The following SIL1 variants were observed in gnomAD, a reference collection of about 807,000 sequenced individuals.
SIL1 encodes SIL1 nucleotide exchange factor, also known as nucleotide exchange factor SIL1.
Under a neutral mutation model 49.1 loss-of-function variants are expected in SIL1, and 40 were observed. The observed-to-expected ratio is 0.81, with a 90% confidence interval of 0.63 to 1.06. SIL1 has a LOEUF of 1.06. Ranked by LOEUF, SIL1 falls within the 50% of genes least tolerant of loss-of-function variation. SIL1 has a pLI of 0.00. For synonymous variants in SIL1, 253 were observed against 250.8 expected (o/e 1.01, Z -0.08); for missense variants, 500 against 572.6 (o/e 0.87, Z 1.29).
chr5:139,105,542 G>A (rs1770681980), intron 3 of SIL1, among the ~76,000 whole-genome samples: 1 of 152,220 alleles, frequency 6.6e-6, no homozygotes, highest in African/African-American at 2.4e-5. Context: ...TCTGAAAGGT[G>A]TCCTGAGGCA....
chr5:139,010,512 G>A (rs1485672692), intron 7 of SIL1, among the ~76,000 whole-genome samples: 1 of 152,220 alleles, frequency 6.6e-6, no homozygotes, highest in Non-Finnish European at 1.5e-5. Context: ...GTGAGGAGCT[G>A]CATTCCTTTG....
intron 1 of SIL1, among the ~76,000 whole-genome samples, chr5:139,166,795 C>T (rs1751632720): frequency 6.6e-6 from 1 of 151,864 alleles, no homozygotes; most frequent in Admixed American, 6.6e-5. Context: ...CAGGCACACA[C>T]CAGCACACCT....
chr5:139,137,403 T>TCC, intron 1 of SIL1: 4 of 701,502 alleles, frequency 5.7e-6, no homozygotes, highest in Non-Finnish European at 1.0e-5. Flanking sequence ...CCATGCTCTT[T>TCC]CCATAGCCGT....
intron 7 of SIL1, among the ~76,000 whole-genome samples, chr5:138,956,809 C>G (rs537365841): frequency 6.6e-6 from 1 of 150,876 alleles, no homozygotes; most frequent in Admixed American, 6.6e-5. Context: ...ACAACAACAA[C>G]AAAAAACAAA....
chr5:139,150,200 C>G (rs1024130835), intron 1 of SIL1, among the ~76,000 whole-genome samples: 4 of 152,154 alleles, frequency 2.6e-5, no homozygotes, highest in Non-Finnish European at 5.9e-5. Context: ...AGAAAAGCAG[C>G]CTGAGATTTT....
At chr5:139,039,747 T>A (rs1482514908) in intron 5 of SIL1, among the ~76,000 whole-genome samples, 1 of 152,086 alleles carries the variant, frequency 6.6e-6, no homozygotes, top group Non-Finnish European at 1.5e-5. Context: ...TTGCCAAGAA[T>A]CAAAAGCTTA....
At chr5:139,136,894 C>T (rs1347261413) in intron 1 of SIL1, among the ~76,000 whole-genome samples, 3 of 152,144 alleles carry the variant, frequency 2.0e-5, no homozygotes, top group Non-Finnish European at 4.4e-5. Flanking sequence ...AGAGCTACCC[C>T]ACAACACACA....
chr5:139,174,202 G>A (rs1751833508), intron 1 of SIL1, among the ~76,000 whole-genome samples: 2 of 151,910 alleles, frequency 1.3e-5, no homozygotes, highest in Non-Finnish European at 2.9e-5. Context: ...TTACCTAGAT[G>A]GACTTTTTTA....
intron 5 of SIL1, chr5:139,032,976 TTTTTTGTTTTTG>T (rs1410865553): frequency 6.6e-6 from 1 of 152,038 alleles, no homozygotes; most frequent in Non-Finnish European, 1.5e-5. Context: ...GTCTTGTGGA[TTTTTTGTTTTTG>T]TTTTTGTTTT....
At chr5:139,178,136 C>T (rs1751919958) in intron 1 of SIL1, among the ~76,000 whole-genome samples, 2 of 152,210 alleles carry the variant, frequency 1.3e-5, no homozygotes, top group South Asian at 4.1e-4. Flanking sequence ...CCTGGGCCAC[C>T]ATGTCTGCTG....
At chr5:139,162,433 C>T (rs976335543) in intron 1 of SIL1, among the ~76,000 whole-genome samples, 2 of 152,162 alleles carry the variant, frequency 1.3e-5, no homozygotes, top group Non-Finnish European at 2.9e-5. Context: ...AAAATCAATG[C>T]TCAAAGCCTA....
intron 3 of SIL1, among the ~76,000 whole-genome samples, chr5:139,059,854 C>A (rs1769546230): frequency 6.6e-6 from 1 of 152,176 alleles, no homozygotes; most frequent in African/African-American, 2.4e-5. Context: ...TTTATAACTT[C>A]TTTCTCTAAC....
chr5:139,054,523 G>A (rs1769362183), intron 3 of SIL1, among the ~76,000 whole-genome samples: 1 of 152,158 alleles, frequency 6.6e-6, no homozygotes, highest in Admixed American at 6.5e-5. Context: ...ACTAGGGCAG[G>A]TTGAGTTATA....
At chr5:139,055,625 TC>T (rs1769391416) in intron 3 of SIL1, among the ~76,000 whole-genome samples, 1 of 65,594 alleles carries the variant, frequency 1.5e-5, no homozygotes, top group Non-Finnish European at 2.8e-5. Context: ...TCTCCCCCTC[TC>T]CCCCTCTCCC....
intron 1 of SIL1, among the ~76,000 whole-genome samples, chr5:139,134,029 A>T (rs528172250): frequency 6.6e-6 from 1 of 152,346 alleles, no homozygotes; most frequent in South Asian, 2.1e-4. Context: ...TCTACTTCAA[A>T]GGTTGGTAGC....
At chr5:138,986,393 T>C (rs561392477) in intron 7 of SIL1, among the ~76,000 whole-genome samples, 4 of 152,334 alleles carry the variant, frequency 2.6e-5, no homozygotes, top group South Asian at 2.1e-4. Context: ...CGGACTCTGA[T>C]TGATTTAGGA....
In SIL1 at chr5:138,979,434, A is replaced by G. The variant is rs188365349; in HGVS notation, c.768-27550T>C. Among the ~76,000 whole-genome samples, 9 of 152,290 alleles carry G rather than the reference A, an allele frequency of 5.9e-5. No homozygotes were observed. The East Asian group carries it at 1.4e-3, about 23-fold the overall frequency. On this transcript the variant is annotated intron_variant, in intron 7 of 9. Transcript: ENST00000394817. Reference sequence around the variant, plus strand: ...TTCTGACATGTAAAAAGAAACACCTATCTGTCTTGTTCACCACCACATCCT... The same window carrying G: ...TTCTGACATGTAAAAAGAAACACCTGTCTGTCTTGTTCACCACCACATCCT...
chr5:139,154,967 T>C (rs1751379862), intron 1 of SIL1, among the ~76,000 whole-genome samples: 1 of 152,094 alleles, frequency 6.6e-6, no homozygotes, highest in African/African-American at 2.4e-5. Flanking sequence ...AAAACAAGAT[T>C]GAAATGCTTC....
At chr5:139,061,672 G>A (rs1769592025) in intron 3 of SIL1, among the ~76,000 whole-genome samples, 1 of 152,184 alleles carries the variant, frequency 6.6e-6, no homozygotes. Flanking sequence ...GTGCTCAGAA[G>A]AAATAAAAAG....
Sources: allele counts gnomAD v4.1 joint callset (sites outside exome capture counted in the v4.1 genomes callset), GRCh38; gene constraint gnomAD v4.1.1; transcripts MANE v1.5; gene names NCBI Gene and HGNC (gene_info 2026-07-23, HGNC 2026-07-21).